PHF14: variants seen among roughly 807,000 people sequenced by gnomAD.
The protein encoded by PHF14 is PHD finger protein 14.
Under a neutral mutation model 117.9 loss-of-function variants are expected in PHF14, and 55 were observed. The ratio of observed to expected loss-of-function variants is 0.47; its 90% confidence interval spans 0.38 to 0.58. The LOEUF (loss-of-function observed/expected upper bound fraction) is 0.58. Ranked by LOEUF, PHF14 falls within the 20% of genes least tolerant of loss-of-function variation. PHF14 has a pLI of 0.00. For missense variants in PHF14, 978 were observed against 1,122.2 expected (o/e 0.87, Z 1.84); for synonymous variants, 409 against 368.6 (o/e 1.11, Z -1.26).
At chr7:11,122,466 G>A (rs1583483267) in intron 17 of PHF14, among the ~76,000 whole-genome samples, 1 of 144,380 alleles carries the variant, frequency 6.9e-6, no homozygotes, top group East Asian at 2.0e-4. Flanking sequence ...TTGTGTGTGT[G>A]TGTGTGTCAA....
intron 17 of PHF14, among the ~76,000 whole-genome samples, chr7:11,139,840 G>T (rs959950937): frequency 3.3e-5 from 5 of 152,064 alleles, no homozygotes; most frequent in Non-Finnish European, 5.9e-5. Context: ...TTTCCATAGG[G>T]TATGACTTAG....
chr7:11,001,830 C>A (rs1782886943), intron 4 of PHF14, among the ~76,000 whole-genome samples: 1 of 152,094 alleles, frequency 6.6e-6, no homozygotes, highest in South Asian at 2.1e-4. Flanking sequence ...AATTTTATTT[C>A]TTTCTTTCCA....
At chr7:11,018,147 T>C (rs1783595403) in intron 5 of PHF14, among the ~76,000 whole-genome samples, 1 of 152,166 alleles carries the variant, frequency 6.6e-6, no homozygotes, top group South Asian at 2.1e-4. Context: ...AGTACCATGC[T>C]GTTTTGGCTA....
intron 17 of PHF14, among the ~76,000 whole-genome samples, chr7:11,161,651 A>C (rs913761620): frequency 1.4e-4 from 21 of 149,976 alleles, no homozygotes; most frequent in Non-Finnish European, 2.8e-4. Context: ...TAAATATTTC[A>C]AAAGCAGGTA....
chr7:11,028,821 A>G lies in PHF14; in HGVS notation c.1455+3A>G. On this transcript the variant is annotated splice_donor_region_variant and intron_variant, in intron 7 of 17. Coordinates refer to ENST00000634607, the MANE Select transcript of PHF14 (RefSeq NM_001007157.2). ...TTTCAGAGGCAGCGGCGGAAGAGGTAGGTTTATTTAAACCCATAGTTGGTG... is the reference window on the plus strand; with the variant it reads ...TTTCAGAGGCAGCGGCGGAAGAGGTGGGTTTATTTAAACCCATAGTTGGTG... 1 of 1,613,192 alleles carries G rather than the reference A, an allele frequency of 6.2e-7. No individual in the cohort carries two copies.
intron 17 of PHF14, among the ~76,000 whole-genome samples, chr7:11,118,276 C>G (rs775276038): frequency 1.1e-4 from 16 of 151,778 alleles, no homozygotes; most frequent in Non-Finnish European, 2.1e-4. Context: ...TTGTATTAAA[C>G]TTTAGATTTC....
chr7:10,974,446 C>A, intron 1 of PHF14, 122 bp downstream of exon 1: 1 of 841,188 alleles, frequency 1.2e-6, no homozygotes, highest in Admixed American at 2.1e-5. Flanking sequence ...TGGACCCTCG[C>A]CCTCCATGGT....
chr7:11,039,742 G>T (rs114528204), intron 11 of PHF14, among the ~76,000 whole-genome samples: 1,986 of 152,264 alleles, frequency 0.013, 41 homozygotes, highest in African/African-American at 0.045. Flanking sequence ...CAGCTTTGAA[G>T]ATGCTTTATG....
At chr7:10,993,319 C>G (rs1175687225) in intron 4 of PHF14, among the ~76,000 whole-genome samples, 1 of 152,012 alleles carries the variant, frequency 6.6e-6, no homozygotes, top group Non-Finnish European at 1.5e-5. Context: ...AGCCCTTGTC[C>G]CAAGTAATTC....
chr7:11,129,712 C>T (rs1199218197), intron 17 of PHF14, among the ~76,000 whole-genome samples: 1 of 151,842 alleles, frequency 6.6e-6, no homozygotes, highest in African/African-American at 2.4e-5. Context: ...GTGCCACATA[C>T]TTCACTAGGT....
intron 17 of PHF14, among the ~76,000 whole-genome samples, chr7:11,154,235 A>T (rs1392432367): frequency 6.6e-6 from 1 of 152,144 alleles, no homozygotes; most frequent in South Asian, 2.1e-4. Context: ...ATTTATGTAT[A>T]CAGAGTTCCT....
intron 17 of PHF14, among the ~76,000 whole-genome samples, chr7:11,136,993 A>C (rs929602474): frequency 1.3e-5 from 2 of 152,238 alleles, no homozygotes; most frequent in South Asian, 4.1e-4. Flanking sequence ...TAGGACCTTA[A>C]TATATAAGAC....
Position 11,130,591 on chromosome 7 carries a change from T to G in PHF14, c.2772+19124T>G, listed in dbSNP as rs1788066570. On this transcript the variant is annotated intron_variant, in intron 17 of 17. Coordinates refer to ENST00000634607, the MANE Select transcript of PHF14 (RefSeq NM_001007157.2). This position sits in a 1 kb window ranked among gnomAD's most constrained non-coding sequence, Gnocchi z 4.2. ...TCCCATATGCCCCCTCATCCCTTCC[T>G]CCTTCCCCTAGTTTCCTCTGTTACC... Among the ~76,000 whole-genome samples the G allele has an allele frequency of 6.6e-6, 1 of 151,974 alleles. No individual in the cohort carries two copies.
intron 16 of PHF14, among the ~76,000 whole-genome samples, chr7:11,077,290 T>A: frequency 6.6e-6 from 1 of 151,112 alleles, no homozygotes. Flanking sequence ...AATTAACCAG[T>A]AGTGCAAAGA....
chr7:11,089,060 T>G (rs1194078392), intron 16 of PHF14, among the ~76,000 whole-genome samples: 1 of 151,912 alleles, frequency 6.6e-6, no homozygotes. Flanking sequence ...AGAGCCTCAT[T>G]TTGAGCACAG....
chr7:11,160,708 T>A lies in PHF14; in HGVS notation c.2773-8708T>A, dbSNP rs116669972. Among the ~76,000 whole-genome samples, 810 of 152,316 alleles carry A rather than the reference T, an allele frequency of 5.3e-3. 5 individuals carry two copies. Among genetic ancestry groups the A allele is most frequent in the African/African-American group, 0.019 (771 of 41,562 alleles). On this transcript the variant is annotated intron_variant, in intron 17 of 17. Transcript: ENST00000634607. ...TTTTTTCATATGTTTGTTGGCTGTT[T>A]GTATGTCTTCTGAGAAGTGTCTGTT...
chr7:11,126,585 A>G (rs576978119), intron 17 of PHF14, among the ~76,000 whole-genome samples: 1 of 152,070 alleles, frequency 6.6e-6, no homozygotes, highest in Admixed American at 6.6e-5. Flanking sequence ...AAAATCCCTA[A>G]CTTTTGTCTT....
chr7:11,015,287 A>G (rs988145088), intron 5 of PHF14: 1 of 152,190 alleles, frequency 6.6e-6, no homozygotes, highest in Non-Finnish European at 1.5e-5. Flanking sequence ...AAATGTTGCC[A>G]TACAAGATTG....
chr7:11,114,231 G>A (rs1045589677), intron 17 of PHF14, among the ~76,000 whole-genome samples: 1 of 152,198 alleles, frequency 6.6e-6, no homozygotes, highest in South Asian at 2.1e-4. Context: ...TAGAAGTTTA[G>A]ATAATACATA....
Sources: allele counts gnomAD v4.1 joint callset (sites outside exome capture counted in the v4.1 genomes callset), GRCh38; gene constraint gnomAD v4.1.1; non-coding constraint Gnocchi (gnomAD v3.1); transcripts MANE v1.5; gene names NCBI Gene and HGNC (gene_info 2026-07-23, HGNC 2026-07-21).